Variants in CNTNAP2 observed in about 807,000 individuals in gnomAD.
CNTNAP2 encodes contactin associated protein 2.
A neutral mutation model predicts 155.2 loss-of-function variants in CNTNAP2; 98 were observed. The observed-to-expected ratio is 0.63, with a 90% confidence interval of 0.54 to 0.75. The LOEUF (loss-of-function observed/expected upper bound fraction) is 0.75. Among genes scored for constraint, CNTNAP2 ranks in the 30% least tolerant of loss-of-function variants. CNTNAP2 has a pLI of 0.00. For missense variants in CNTNAP2, 1,727 were observed against 1,688.1 expected, an observed-to-expected ratio of 1.02 and a Z score of -0.40; for synonymous variants, 651 against 631.2, an observed-to-expected ratio of 1.03 and a Z score of -0.47.
intron 1 of CNTNAP2, among the ~76,000 whole-genome samples, chr7:146,174,447 C>T (rs954205017): frequency 2.0e-5 from 3 of 152,014 alleles, no homozygotes; most frequent in African/African-American, 7.2e-5. Context: ...TCTTGAACTC[C>T]TGATCTCAAG....
At chr7:148,064,947 A>T (rs562765641) in intron 15 of CNTNAP2, among the ~76,000 whole-genome samples, 2 of 152,002 alleles carry the variant, frequency 1.3e-5, no homozygotes, top group South Asian at 2.1e-4. Flanking sequence ...CTTTCCTCTT[A>T]GCACCAACTT....
In CNTNAP2 at chr7:148,034,774, G is replaced by A. The variant is rs1029094901; in HGVS notation, c.2383+56785G>A. On this transcript the variant is annotated intron_variant, in intron 15 of 23. Transcript: ENST00000361727. ...GCATTGCTATGAACAGAACATTTAG[G>A]GTAATTCTGTTGAGGGCTCAGAAGA... Among the ~76,000 whole-genome samples, 7 of 152,306 alleles carry A rather than the reference G, an allele frequency of 4.6e-5. No homozygotes were observed. In the East Asian group the frequency reaches 1.3e-3, roughly 29 times the overall value.
At chr7:146,801,277 C>T (rs1376295924) in intron 2 of CNTNAP2, among the ~76,000 whole-genome samples, 1 of 152,098 alleles carries the variant, frequency 6.6e-6, no homozygotes, top group Non-Finnish European at 1.5e-5. Context: ...AGCACCAAGC[C>T]ATTCATGAGG....
At chr7:146,197,782 C>T (rs368421376) in intron 1 of CNTNAP2, among the ~76,000 whole-genome samples, 1 of 152,080 alleles carries the variant, frequency 6.6e-6, no homozygotes, top group South Asian at 2.1e-4. Flanking sequence ...AAATATGGCT[C>T]AAATTAAAAG....
At chr7:146,267,453 A>G (rs1800013964) in intron 1 of CNTNAP2, among the ~76,000 whole-genome samples, 2 of 152,172 alleles carry the variant, frequency 1.3e-5, no homozygotes, top group South Asian at 4.1e-4. Context: ...AAATAAATAG[A>G]AAATACCATT....
chr7:148,091,797 A>G (rs1398530486), intron 15 of CNTNAP2, among the ~76,000 whole-genome samples: 2 of 152,156 alleles, frequency 1.3e-5, no homozygotes, highest in Non-Finnish European at 2.9e-5. Context: ...ACTACAAGCA[A>G]AAGAGAATCC....
rs574748528 is a variant in CNTNAP2 at position 147,738,035 on chromosome 7, T to C, written c.2098+98729T>C. ...CCTGCACCCACTGTCCTGCACCCAC[T>C]GTCCAACAATCCCCAGTGAGATGAA... On this transcript the variant is annotated intron_variant, in intron 13 of 23. Transcript: ENST00000361727. Among the ~76,000 whole-genome samples the C allele has an allele frequency of 1.4e-4, 22 of 152,298 alleles. No homozygotes were observed. The East Asian group carries it at 4.3e-3, about 29-fold the overall frequency.
At chr7:148,212,073 G>A (rs1795560602) in intron 18 of CNTNAP2, among the ~76,000 whole-genome samples, 1 of 151,824 alleles carries the variant, frequency 6.6e-6, no homozygotes, top group Non-Finnish European at 1.5e-5. Context: ...AGAAGAGAAA[G>A]ATGAAGAGCA....
chr7:146,289,675 C>T (rs952797103), intron 1 of CNTNAP2, among the ~76,000 whole-genome samples: 3 of 152,152 alleles, frequency 2.0e-5, no homozygotes, highest in South Asian at 2.1e-4. Flanking sequence ...TATTCCAAAT[C>T]GTATTTAAAA....
intron 13 of CNTNAP2, among the ~76,000 whole-genome samples, chr7:147,755,482 A>G (rs1193755091): frequency 6.6e-6 from 1 of 152,094 alleles, no homozygotes; most frequent in Non-Finnish European, 1.5e-5. Context: ...TGGAAAACCC[A>G]TGTCTACTGA....
At chr7:147,337,754 C>T (rs547081480) in intron 9 of CNTNAP2, among the ~76,000 whole-genome samples, 1 of 152,208 alleles carries the variant, frequency 6.6e-6, no homozygotes, top group Non-Finnish European at 1.5e-5. Flanking sequence ...CTAGGATGAG[C>T]TTGCTCATTA....
chr7:146,998,905 C>G (rs1368356828), intron 3 of CNTNAP2, among the ~76,000 whole-genome samples: 1 of 151,834 alleles, frequency 6.6e-6, no homozygotes. Flanking sequence ...GAAACTGTCT[C>G]TTGTAGTGCA....
intron 1 of CNTNAP2, among the ~76,000 whole-genome samples, chr7:146,162,262 A>G (rs1201529527): frequency 6.6e-6 from 1 of 152,244 alleles, no homozygotes; most frequent in Non-Finnish European, 1.5e-5. Flanking sequence ...CAATCTACCC[A>G]TCTGACAAAG....
chr7:147,438,230 A>G (rs1409230056), intron 10 of CNTNAP2, among the ~76,000 whole-genome samples: 1 of 152,034 alleles, frequency 6.6e-6, no homozygotes, highest in Non-Finnish European at 1.5e-5. Context: ...CCCATTCAAT[A>G]TGATGCTAGC....
intron 12 of CNTNAP2, among the ~76,000 whole-genome samples, chr7:147,599,376 G>A (rs7797564): frequency 0.02 from 3,014 of 151,386 alleles, 95 homozygotes; most frequent in African/African-American, 0.069. Context: ...CCAGCTACTC[G>A]GGAGGCTGAG....
chr7:146,248,074 A>G (rs898719393), intron 1 of CNTNAP2, among the ~76,000 whole-genome samples: 1 of 148,158 alleles, frequency 6.7e-6, no homozygotes, highest in Non-Finnish European at 1.5e-5. Flanking sequence ...CAGAGATATA[A>G]GAGGCTGGGG....
At chr7:147,099,097 C>T (rs2129276980) in intron 4 of CNTNAP2, among the ~76,000 whole-genome samples, 1 of 152,118 alleles carries the variant, frequency 6.6e-6, no homozygotes, top group African/African-American at 2.4e-5. Context: ...GGGATAGGTG[C>T]AGCAGGGTAA....
intron 3 of CNTNAP2, among the ~76,000 whole-genome samples, chr7:146,983,284 G>T (rs561129488): frequency 4.9e-4 from 74 of 152,200 alleles, no homozygotes; most frequent in African/African-American, 1.5e-3. Flanking sequence ...TCATGTTTTT[G>T]ATTAGCTCTG....
chr7:147,256,939 A>G (rs1408659380), intron 8 of CNTNAP2, among the ~76,000 whole-genome samples: 1 of 152,122 alleles, frequency 6.6e-6, no homozygotes, highest in African/African-American at 2.4e-5. Context: ...ACAATTCTTA[A>G]GGGGGAAAAA....
Sources: gnomAD v4.1 joint callset for allele counts (sites outside exome capture counted in the v4.1 genomes callset) on GRCh38, gnomAD v4.1.1 for gene constraint, MANE v1.5 for transcripts, NCBI Gene and HGNC (gene_info 2026-07-23, HGNC 2026-07-21) for gene names.